Variants in STK24 observed in about 807,000 individuals in gnomAD.
The protein encoded by STK24 is serine/threonine kinase 24, also known as serine/threonine-protein kinase 24.
A neutral mutation model predicts 55.6 loss-of-function variants in STK24; 21 were observed. The ratio of observed to expected loss-of-function variants is 0.38; its 90% confidence interval spans 0.27 to 0.54. The LOEUF is 0.54. Ranked by LOEUF, STK24 falls within the 20% of genes least tolerant of loss-of-function variation. The probability of loss-of-function intolerance (pLI) is 0.79; values close to 1 mark genes in which losing one functional copy is unlikely to be tolerated. For synonymous variants in STK24, 200 were observed against 215.2 expected (o/e 0.93, Z 0.62); for missense variants, 383 against 538.4 (o/e 0.71, Z 2.86).
At chr13:98,567,945 G>GC (rs1797320121) in intron 1 of STK24, among the ~76,000 whole-genome samples, 1 of 80,280 alleles carries the variant, frequency 1.2e-5, no homozygotes, top group South Asian at 3.6e-4. Context: ...AAAAAAAAAG[G>GC]GGGGGGGTGG....
At chr13:98,495,496 A>G (rs1895217586) in intron 2 of STK24, among the ~76,000 whole-genome samples, 1 of 152,262 alleles carries the variant, frequency 6.6e-6, no homozygotes. Flanking sequence ...ATTTTAAATT[A>G]TAGGTAACAT....
rs1897914616 is a variant in STK24 at position 98,576,845 on chromosome 13, G to A, written c.-59C>T. ...GGCCGGGCCGCGACGATCCGCGCGG[G>A]GCGGCGAGGCCCGCGGGCCGCGCGC... On this transcript the variant is annotated 5_prime_UTR_variant, in exon 1 of 11. Coordinates refer to ENST00000539966, the MANE Select transcript of STK24 (RefSeq NM_001032296.4). The A allele has an allele frequency of 1.1e-5, 12 of 1,089,700 alleles. No homozygotes were observed. The East Asian group carries it at 5.8e-4, about 53-fold the overall frequency. 67.5% of individuals were successfully genotyped at this position (1,089,700 alleles called of 1,614,324 possible).
In STK24 at chr13:98,448,492, T is replaced by C; in HGVS notation, c.*4681A>G. Reference sequence around the variant, plus strand: ...TAACCCCGACCTCTCAGCGTCTGAATGAACAGCGCTCCCACCTCCAGTCCT... The same window carrying C: ...TAACCCCGACCTCTCAGCGTCTGAACGAACAGCGCTCCCACCTCCAGTCCT... On this transcript the variant is annotated 3_prime_UTR_variant, in exon 11 of 11. Coordinates refer to ENST00000539966, the MANE Select transcript of STK24 (RefSeq NM_001032296.4). 1.7e-6 allele frequency: 1 copy of C among 600,162 alleles called. No individual in the cohort carries two copies. The highest frequency in any genetic ancestry group is 2.9e-5 in the Admixed American group (1 of 34,762). The allele number at this position is 600,162 out of a possible 1,614,324, so 37.2% of individuals were successfully genotyped here.
rs752141997 is a variant in STK24 at position 98,460,388 on chromosome 13, G to C, written c.1106C>G (p.Ser369Cys). 1 of 1,613,340 alleles carries C rather than the reference G, an allele frequency of 6.2e-7. No homozygotes were observed. Among genetic ancestry groups the C allele is most frequent in the Non-Finnish European group, 8.5e-7 (1 of 1,179,514 alleles). ...PFSQCLSTII[S>C]PLFAELKEKS... is the part of the protein sequence containing the mutation. Reference sequence around the variant, plus strand: ...GGTACCTACCTCTGCAAACAGAGGAGAAATAATTGTAGATAAACACTGAGA... The same window carrying C: ...GGTACCTACCTCTGCAAACAGAGGACAAATAATTGTAGATAAACACTGAGA... Residue 369 changes from serine to cysteine, a missense_variant, in exon 9 of 11, where the codon TCT (serine) becomes TGT (cysteine). Coordinates refer to ENST00000539966, the MANE Select transcript of STK24 (RefSeq NM_001032296.4).
At chr13:98,569,043 T>C (rs985698916) in intron 1 of STK24, among the ~76,000 whole-genome samples, 2 of 152,030 alleles carry the variant, frequency 1.3e-5, no homozygotes, top group Non-Finnish European at 2.9e-5. Context: ...CAAGTATCTG[T>C]CACGAGAAAC....
chr13:98,569,877 ATTT>A (rs755042140), intron 1 of STK24, among the ~76,000 whole-genome samples: 7 of 138,044 alleles, frequency 5.1e-5, no homozygotes, highest in East Asian at 2.0e-4. Context: ...ACAGGCAGAA[ATTT>A]TTTTTTTTTT....
At chr13:98,538,316 C>A (rs1459842477) in intron 1 of STK24, among the ~76,000 whole-genome samples, 1 of 150,456 alleles carries the variant, frequency 6.6e-6, no homozygotes, top group Non-Finnish European at 1.5e-5. Flanking sequence ...CCTCCGCCTC[C>A]CAGGTTCAAG....
chr13:98,472,960 C>T (rs1033901121), intron 5 of STK24, among the ~76,000 whole-genome samples: 5 of 152,032 alleles, frequency 3.3e-5, no homozygotes, highest in African/African-American at 9.7e-5. Flanking sequence ...TGGCCGCACA[C>T]TGAGGTGCCC....
chr13:98,554,015 T>C (rs1362454733), intron 1 of STK24, among the ~76,000 whole-genome samples: 1 of 147,148 alleles, frequency 6.8e-6, no homozygotes, highest in Non-Finnish European at 1.5e-5. Flanking sequence ...TGAGCCGAGA[T>C]CACGCCACTG....
chr13:98,526,562 C>T (rs57097208), intron 1 of STK24, among the ~76,000 whole-genome samples: 2,395 of 152,318 alleles, frequency 0.016, 62 homozygotes, highest in African/African-American at 0.054. Flanking sequence ...TGTCTCCTCA[C>T]TGTACTAGGC....
intron 1 of STK24, among the ~76,000 whole-genome samples, chr13:98,525,334 G>T (rs1379217314): frequency 1.3e-5 from 2 of 152,190 alleles, no homozygotes; most frequent in Non-Finnish European, 2.9e-5. Context: ...CACAGCCCGT[G>T]CCTGAAAGGA....
chr13:98,496,949 C>T (rs1018891519), intron 2 of STK24, among the ~76,000 whole-genome samples: 9 of 152,310 alleles, frequency 5.9e-5, no homozygotes, highest in East Asian at 1.9e-4. Flanking sequence ...ACATCATCTG[C>T]GGGTACACAT....
At chr13:98,539,183 G>A (rs1043659690) in intron 1 of STK24, among the ~76,000 whole-genome samples, 5 of 152,200 alleles carry the variant, frequency 3.3e-5, no homozygotes, top group African/African-American at 1.2e-4. Context: ...TCTTCCATGG[G>A]TGGGTTCAGC....
At chr13:98,465,462 G>GC in intron 6 of STK24, among the ~76,000 whole-genome samples, 1 of 152,350 alleles carries the variant, frequency 6.6e-6, no homozygotes, top group Admixed American at 6.5e-5. Flanking sequence ...CATGATGGCT[G>GC]CAAGAAACAT....
At chr13:98,559,368 T>C (rs1345125139) in intron 1 of STK24, among the ~76,000 whole-genome samples, 1 of 152,114 alleles carries the variant, frequency 6.6e-6, no homozygotes, top group Non-Finnish European at 1.5e-5. Flanking sequence ...CTGATGGTTT[T>C]ATAAAGGGCA....
At chr13:98,539,804 A>G (rs1896836371) in intron 1 of STK24, among the ~76,000 whole-genome samples, 1 of 152,200 alleles carries the variant, frequency 6.6e-6, no homozygotes, top group South Asian at 2.1e-4. Context: ...TAAAACTACC[A>G]TATGTGGAAA....
chr13:98,524,573 C>A (rs959001582), intron 1 of STK24, among the ~76,000 whole-genome samples: 1 of 152,198 alleles, frequency 6.6e-6, no homozygotes, highest in Non-Finnish European at 1.5e-5. Context: ...CTCAGCCAGG[C>A]GGGTGGAAAA....
intron 2 of STK24, among the ~76,000 whole-genome samples, chr13:98,491,691 C>CAAAAA (rs11285292): frequency 7.5e-6 from 1 of 132,738 alleles, no homozygotes; most frequent in Non-Finnish European, 1.6e-5. Flanking sequence ...ATTACTAAGC[C>CAAAAA]AAAAAAAAAA....
chr13:98,527,712 CG>C (rs1896472463), intron 1 of STK24, among the ~76,000 whole-genome samples: 1 of 152,160 alleles, frequency 6.6e-6, no homozygotes. Flanking sequence ...GGACCAGGAC[CG>C]GGTGAGCCAC....
Sources: allele counts gnomAD v4.1 joint callset (sites outside exome capture counted in the v4.1 genomes callset), GRCh38; gene constraint gnomAD v4.1.1; transcripts MANE v1.5; gene names NCBI Gene and HGNC (gene_info 2026-07-23, HGNC 2026-07-21).